The following CUX1 variants were observed in gnomAD, a reference collection of about 807,000 sequenced individuals.
CUX1 encodes the protein cut like homeobox 1.
In CUX1, 31 loss-of-function variants were observed where a neutral mutation model predicts 158.8. That is an observed-to-expected ratio of 0.20 (90% CI 0.15 to 0.26). The LOEUF (loss-of-function observed/expected upper bound fraction) is 0.26, where lower values mean the gene tolerates loss of function less well. Among genes scored for constraint, CUX1 ranks in the 10% least tolerant of loss-of-function variants. CUX1 has a pLI of 1.00. For synonymous variants in CUX1, 879 were observed against 862.1 expected (o/e 1.02, Z -0.34); for missense variants, 1,589 against 2,014.6 (o/e 0.79, Z 4.04).
intron 10 of CUX1, among the ~76,000 whole-genome samples, chr7:102,173,591 C>A (rs912324829): frequency 1.8e-4 from 27 of 152,088 alleles, no homozygotes; most frequent in African/African-American, 6.5e-4. Context: ...TCCCCTGGCC[C>A]CTGGGGTCCT....
intron 3 of CUX1, among the ~76,000 whole-genome samples, chr7:102,060,602 CAAATAA>C (rs772338460): frequency 3.1e-4 from 23 of 75,094 alleles, no homozygotes; most frequent in East Asian, 1.1e-3. Context: ...TACACACACA[CAAATAA>C]ACACACACAC....
chr7:101,876,217 C>T (rs1418937067), intron 1 of CUX1, among the ~76,000 whole-genome samples: 4 of 151,804 alleles, frequency 2.6e-5, no homozygotes, highest in Non-Finnish European at 4.4e-5. Context: ...TGGTGGCACA[C>T]GCTTGTAGTC....
chr7:101,975,281 A>G (rs1365352583), intron 2 of CUX1, among the ~76,000 whole-genome samples: 2 of 150,724 alleles, frequency 1.3e-5, no homozygotes, highest in Non-Finnish European at 1.5e-5. Flanking sequence ...AGAGAGAGAG[A>G]AAAGAAAAGG....
intron 20 of CUX1, among the ~76,000 whole-genome samples, chr7:102,208,481 T>C (rs1796170571): frequency 6.6e-6 from 1 of 152,258 alleles, no homozygotes; most frequent in Admixed American, 6.5e-5. Context: ...CCTCAGGTGA[T>C]CCACCCGCCT....
rs556926124 is a variant in CUX1, at chr7:102,136,280, T to C, written c.674+21007T>C. Reference sequence around the variant, plus strand: ...GACGTCTCCTTGTTTTCTATTTCAGTATTTGTATAGCCAGTTTACTATTGT... The same window carrying C: ...GACGTCTCCTTGTTTTCTATTTCAGCATTTGTATAGCCAGTTTACTATTGT... On this transcript the variant is annotated intron_variant, in intron 8 of 23. Coordinates refer to ENST00000292535, the MANE Select transcript of CUX1 (RefSeq NM_181552.4). Among the ~76,000 whole-genome samples the C allele has an allele frequency of 1.9e-3, 282 of 152,258 alleles. 4 individuals are homozygous for C. The South Asian group carries it at 0.033, about 18-fold the overall frequency.
intron 2 of CUX1, among the ~76,000 whole-genome samples, chr7:102,022,773 A>G (rs1819534942): frequency 6.6e-6 from 1 of 152,276 alleles, no homozygotes; most frequent in African/African-American, 2.4e-5. Flanking sequence ...GAATTATCTC[A>G]AGAACATCAC....
intron 19 of CUX1, chr7:102,280,726 C>G (rs1554549022): frequency 8.1e-5 from 118 of 1,449,198 alleles, no homozygotes; most frequent in Admixed American, 8.1e-4. Context: ...CTGTGGCTGG[C>G]CAGGCCCTGC....
chr7:102,267,251 G>T (rs1554545266), intron 14 of CUX1, among the ~76,000 whole-genome samples: 1 of 122,670 alleles, frequency 8.2e-6, no homozygotes, highest in Admixed American at 7.9e-5. Flanking sequence ...TAAGACAGGG[G>T]CAGCCGGGCA....
At chr7:102,219,888 T>C (rs902925257) in intron 20 of CUX1, among the ~76,000 whole-genome samples, 1 of 152,220 alleles carries the variant, frequency 6.6e-6, no homozygotes, top group Non-Finnish European at 1.5e-5. Flanking sequence ...CCGATGGAGA[T>C]TCAGCAGGGC....
At chr7:102,145,260 C>A (rs1221412023) in intron 8 of CUX1, among the ~76,000 whole-genome samples, 1 of 151,870 alleles carries the variant, frequency 6.6e-6, no homozygotes, top group Non-Finnish European at 1.5e-5. Flanking sequence ...AGAAAAGATT[C>A]TCCACCCCAC....
chr7:101,821,189 G>A (rs1233348800), intron 1 of CUX1, among the ~76,000 whole-genome samples: 2 of 152,074 alleles, frequency 1.3e-5, no homozygotes, highest in Admixed American at 6.5e-5. Context: ...ACTGACCAGA[G>A]CATGTAGGTA....
At chr7:102,164,535 G>A (rs1790800788) in intron 9 of CUX1, among the ~76,000 whole-genome samples, 1 of 152,146 alleles carries the variant, frequency 6.6e-6, no homozygotes, top group South Asian at 2.1e-4. Context: ...CCTAGTGGAG[G>A]ACTCTCCAGG....
intron 4 of CUX1, among the ~76,000 whole-genome samples, chr7:102,091,575 T>A (rs2130849418): frequency 6.6e-6 from 1 of 152,226 alleles, no homozygotes; most frequent in East Asian, 1.9e-4. Context: ...CCTCAAGTGA[T>A]CCTCCCACCT....
At chr7:102,140,951 ATTTTT>A (rs1256888158) in intron 8 of CUX1, among the ~76,000 whole-genome samples, 1 of 151,266 alleles carries the variant, frequency 6.6e-6, no homozygotes, top group Non-Finnish European at 1.5e-5. Context: ...TAACCTTTCT[ATTTTT>A]TTCGCTACGT....
chr7:102,200,658 A>G (rs62484930), intron 17 of CUX1, among the ~76,000 whole-genome samples: 153 of 151,984 alleles, frequency 1.0e-3, no homozygotes, highest in Non-Finnish European at 1.7e-3. Flanking sequence ...GTAATTATTC[A>G]CAGAAATTAC....
At chr7:101,991,570 C>T (rs746429912) in intron 2 of CUX1, among the ~76,000 whole-genome samples, 6 of 151,978 alleles carry the variant, frequency 3.9e-5, no homozygotes, top group Non-Finnish European at 7.4e-5. Flanking sequence ...ACCCACCTGG[C>T]CAATATGGCC....
chr7:102,244,475 A>G (rs1554536183), intron 23 of CUX1, among the ~76,000 whole-genome samples: 1 of 152,162 alleles, frequency 6.6e-6, no homozygotes, highest in Non-Finnish European at 1.5e-5. Flanking sequence ...AGGTGGGAGG[A>G]TTGCTTGAGC....
At chr7:102,174,616 C>T (rs782367781) in intron 10 of CUX1, among the ~76,000 whole-genome samples, 1 of 152,182 alleles carries the variant, frequency 6.6e-6, no homozygotes, top group African/African-American at 2.4e-5. Flanking sequence ...TGGGAGTGCC[C>T]ACTGTGTTGA....
At chr7:102,134,480 T>C (rs1314134998) in intron 8 of CUX1, among the ~76,000 whole-genome samples, 6 of 152,246 alleles carry the variant, frequency 3.9e-5, no homozygotes, top group African/African-American at 4.8e-5. Flanking sequence ...GCCTGTATTC[T>C]TGACAAGACT....
Sources: allele counts gnomAD v4.1 joint callset (sites outside exome capture counted in the v4.1 genomes callset), GRCh38; gene constraint gnomAD v4.1.1; transcripts MANE v1.5; gene names NCBI Gene and HGNC (gene_info 2026-07-23, HGNC 2026-07-21).